The following MTHFD1L variants were observed in gnomAD, a reference collection of about 807,000 sequenced individuals.
MTHFD1L encodes the protein monofunctional C1-tetrahydrofolate synthase, mitochondrial.
MTHFD1L carries 81 observed loss-of-function variants against 119.5 expected under a neutral mutation model. That is an observed-to-expected ratio of 0.68 (90% confidence interval 0.57 to 0.82). The LOEUF is 0.82. MTHFD1L is among the 40% of genes least tolerant of loss of function. The probability of loss-of-function intolerance (pLI) is 0.00; values close to 1 mark genes in which losing one functional copy is unlikely to be tolerated. For missense variants in MTHFD1L, 1,125 were observed against 1,253.4 expected, an observed-to-expected ratio of 0.90 and a Z score of 1.55; for synonymous variants, 430 against 475.2, an observed-to-expected ratio of 0.90 and a Z score of 1.24.
intron 20 of MTHFD1L, among the ~76,000 whole-genome samples, chr6:150,996,087 A>C (rs1779779578): frequency 6.6e-6 from 1 of 152,246 alleles, no homozygotes; most frequent in South Asian, 2.1e-4. Context: ...TATCAAATGT[A>C]GATATGAACT....
chr6:151,003,645 T>C (rs1780950672), intron 20 of MTHFD1L, among the ~76,000 whole-genome samples: 1 of 152,298 alleles, frequency 6.6e-6, no homozygotes, highest in Non-Finnish European at 1.5e-5. Flanking sequence ...CTCCACTAAA[T>C]GAAGACACTG....
chr6:150,916,681 A>G (rs574899575), intron 8 of MTHFD1L, among the ~76,000 whole-genome samples: 1 of 142,118 alleles, frequency 7.0e-6, no homozygotes, highest in South Asian at 2.3e-4. Flanking sequence ...GGTAATCCCT[A>G]AAGTTAATAC....
At chr6:150,878,666 T>C (rs1780873773) in intron 4 of MTHFD1L, among the ~76,000 whole-genome samples, 2 of 152,202 alleles carry the variant, frequency 1.3e-5, no homozygotes, top group African/African-American at 4.8e-5. Context: ...GCCGCCTTTG[T>C]GGTTTGGTTA....
chr6:151,056,343 G>A (rs986436000), intron 26 of MTHFD1L, among the ~76,000 whole-genome samples: 2 of 152,160 alleles, frequency 1.3e-5, no homozygotes, highest in Non-Finnish European at 2.9e-5. Flanking sequence ...AGTGACTGAC[G>A]TGCTGGGCAT....
rs66807059 is a variant in MTHFD1L, at chr6:150,948,653, T to TTTTG, written c.1624-375_1624-374insGTTT. Among the ~76,000 whole-genome samples, 198 of 82,072 alleles carry TTTTG rather than the reference T, an allele frequency of 2.4e-3. 1 individual carries two copies. The Middle Eastern group carries it at 0.035, about 15-fold the overall frequency. The allele number at this position is 82,072 out of a possible 152,430, so 53.8% of individuals were successfully genotyped here. A position where few individuals can be genotyped will look rare whatever the true frequency, so the allele number is the denominator to read the frequency against. On this transcript the variant is annotated intron_variant, in intron 15 of 27. Coordinates refer to ENST00000367321, the MANE Select transcript of MTHFD1L (RefSeq NM_015440.5). ...TTAGTGTTTTTTTTGTTTTGTTTTGTTTTTGAGATGGAGTTTCGCTCTTGT... is the reference window on the plus strand; with the variant it reads ...TTAGTGTTTTTTTTGTTTTGTTTTGTTTTGTTTTGAGATGGAGTTTCGCTCTTGT...
Position 151,059,074 on chromosome 6 carries a change from GT to G in MTHFD1L, c.2847+21958del, listed in dbSNP as rs567593411. 1.3e-3 allele frequency among the ~76,000 whole-genome samples: 193 copies of G among 152,302 alleles called. 2 individuals are homozygous for G. Among genetic ancestry groups the G allele is most frequent in the Middle Eastern group, 6.8e-3 (2 of 294 alleles). ...GAGCAGTGGTAAGCGCGCTGAAGGAGTCGGGCTCTCTGGGCCCAAAGTCCTG... is the reference window on the plus strand; with the variant it reads ...GAGCAGTGGTAAGCGCGCTGAAGGAGCGGGCTCTCTGGGCCCAAAGTCCTG... On this transcript the variant is annotated intron_variant, in intron 26 of 27. Transcript: ENST00000367321.
Position 150,960,321 on chromosome 6 carries a change from C to T in MTHFD1L, c.1850C>T (p.Ala617Val). ...GCCAGCGAGATCATGGCGGTGCTGG[C>T]CCTGACGGACAGCCTCGCAGACATG... ...AVASEIMAVL[A>V]LTDSLADMKA... Residue 617 changes from alanine to valine, a missense_variant, in exon 18 of 28, where the codon GCC becomes GTC. This residue lies in a region of MTHFD1L where 1,058 missense variants were observed against 1,151.2 expected (regional missense o/e 0.92). Transcript: ENST00000367321. 3 of 1,614,024 alleles carry T rather than the reference C, an allele frequency of 1.9e-6. No individual in the cohort carries two copies. Among genetic ancestry groups the T allele is most frequent in the East Asian group, 2.2e-5 (1 of 44,870 alleles).
intron 5 of MTHFD1L, among the ~76,000 whole-genome samples, chr6:150,885,067 G>A (rs1782008945): frequency 1.3e-5 from 2 of 152,174 alleles, no homozygotes; most frequent in Admixed American, 1.3e-4. Flanking sequence ...CTGTGTCCTG[G>A]TATATTGGCA....
intron 20 of MTHFD1L, among the ~76,000 whole-genome samples, chr6:150,986,821 C>A (rs745916711): frequency 1.3e-5 from 2 of 152,170 alleles, no homozygotes; most frequent in Non-Finnish European, 2.9e-5. Context: ...TCTCCTGTTT[C>A]AGCCTCCCAA....
chr6:150,888,417 A>G (rs1408333112), intron 7 of MTHFD1L, among the ~76,000 whole-genome samples: 1 of 152,244 alleles, frequency 6.6e-6, no homozygotes, highest in Non-Finnish European at 1.5e-5. Flanking sequence ...AGGTGATTGA[A>G]CATGAGAAAG....
intron 1 of MTHFD1L, among the ~76,000 whole-genome samples, chr6:150,869,133 A>T (rs930398491): frequency 6.6e-6 from 1 of 152,196 alleles, no homozygotes; most frequent in African/African-American, 2.4e-5. Flanking sequence ...CACTTAATAG[A>T]TGGCAGTATA....
chr6:150,940,000 CCTGTTCTCT>C (rs1457412073), intron 13 of MTHFD1L, among the ~76,000 whole-genome samples: 2 of 151,998 alleles, frequency 1.3e-5, no homozygotes, highest in African/African-American at 4.8e-5. Context: ...AGACTCTTTT[CCTGTTCTCT>C]CTTGGTTCCA....
chr6:150,935,925 G>A (rs56396780), intron 11 of MTHFD1L, among the ~76,000 whole-genome samples: 4,236 of 152,254 alleles, frequency 0.028, 96 homozygotes, highest in South Asian at 0.083. Flanking sequence ...ATGTACTAAA[G>A]AACAATTTTA....
intron 18 of MTHFD1L, among the ~76,000 whole-genome samples, chr6:150,962,649 G>A (rs1272581159): frequency 6.6e-6 from 1 of 152,186 alleles, no homozygotes; most frequent in Non-Finnish European, 1.5e-5. Context: ...AGCTTGCCCT[G>A]CACGTGACAG....
intron 20 of MTHFD1L, among the ~76,000 whole-genome samples, chr6:151,009,247 T>G (rs905094054): frequency 1.3e-5 from 2 of 151,200 alleles, no homozygotes; most frequent in African/African-American, 4.9e-5. Flanking sequence ...AAGAAAAGCT[T>G]CACTGGCTGG....
chr6:151,037,207 A>G (rs1786315105), intron 26 of MTHFD1L, 90 bp downstream of exon 26: 1 of 1,406,364 alleles, frequency 7.1e-7, no homozygotes, highest in South Asian at 1.2e-5. Flanking sequence ...TTTAAAAATC[A>G]TGGATTAGGG....
intron 16 of MTHFD1L, among the ~76,000 whole-genome samples, chr6:150,955,713 TGG>T (rs1349567636): frequency 6.6e-6 from 1 of 152,122 alleles, no homozygotes; most frequent in African/African-American, 2.4e-5. Context: ...TTGGCCAGGC[TGG>T]TCTGGAACTC....
At chr6:151,033,995 G>A (rs578122015) in intron 24 of MTHFD1L, among the ~76,000 whole-genome samples, 1 of 152,010 alleles carries the variant, frequency 6.6e-6, no homozygotes, top group South Asian at 2.1e-4. Context: ...GGGCAACGTG[G>A]TGAAACCCAG....
rs558380314 is a variant in MTHFD1L at position 150,983,188 on chromosome 6, A to G, written c.2125+11130A>G. On this transcript the variant is annotated intron_variant, in intron 20 of 27. Transcript: ENST00000367321. ...AGATTCCGAATACGAATACTTTGCC[A>G]TTATGAGTTACAAATATCTTCTCCC... is the stretch of plus-strand genomic sequence containing the variant. Among the ~76,000 whole-genome samples, 4 of 152,330 alleles carry G rather than the reference A, an allele frequency of 2.6e-5. No individual in the cohort carries two copies. In the South Asian group the frequency reaches 6.2e-4, roughly 24 times the overall value.
Sources: allele counts gnomAD v4.1 joint callset (sites outside exome capture counted in the v4.1 genomes callset), GRCh38; gene constraint gnomAD v4.1.1; regional missense constraint gnomAD v4.1.1; transcripts MANE v1.5; gene names NCBI Gene and HGNC (gene_info 2026-07-23, HGNC 2026-07-21).